The following GLIS3 variants were observed in gnomAD, a reference collection of about 807,000 sequenced individuals.
GLIS3 encodes zinc finger protein GLIS3.
GLIS3 carries 53 observed loss-of-function variants against 78.6 expected under a neutral mutation model. The ratio of observed to expected loss-of-function variants is 0.67; its 90% CI spans 0.54 to 0.85. The LOEUF (loss-of-function observed/expected upper bound fraction) is 0.85, where lower values mean the gene tolerates loss of function less well. Among genes scored for constraint, GLIS3 ranks in the 40% least tolerant of loss-of-function variants. The pLI is 0.00. For missense variants in GLIS3, 1,703 were observed against 1,231.1 expected (o/e 1.38, Z -5.74); for synonymous variants, 684 against 509.9 (o/e 1.34, Z -4.60).
intron 2 of GLIS3, among the ~76,000 whole-genome samples, chr9:4,326,725 TGGAACCTACAGCAACAGCAAG>T (rs963789271): frequency 9.9e-5 from 15 of 152,084 alleles, no homozygotes; most frequent in Non-Finnish European, 2.1e-4. Flanking sequence ...ACAATAAAAA[TGGAACCTACAGCAACAGCAAG>T]GACAAAAAAA....
chr9:4,340,734 C>T (rs1423644398), intron 2 of GLIS3, among the ~76,000 whole-genome samples: 3 of 152,148 alleles, frequency 2.0e-5, no homozygotes, highest in African/African-American at 7.2e-5. Context: ...TGTCACCCAT[C>T]ACCCAGGCTG....
chr9:4,303,262 A>AATACAGACAC (rs752138646), upstream of GLIS3, among the ~76,000 whole-genome samples: 2 of 21,402 alleles, frequency 9.3e-5, no homozygotes, highest in African/African-American at 2.6e-4. Context: ...TAGCTATTAA[A>AATACAGACAC]ACACAGACAC....
the GLIS3 span, among the ~76,000 whole-genome samples, chr9:4,409,583 T>A: frequency 1.3e-5 from 2 of 152,168 alleles, no homozygotes; most frequent in African/African-American, 4.8e-5. Flanking sequence ...TGAGAATGAT[T>A]GTCACAGGGT....
intron 6 of GLIS3, among the ~76,000 whole-genome samples, chr9:3,920,615 T>G (rs1480900532): frequency 6.6e-6 from 1 of 151,200 alleles, no homozygotes. Context: ...ACAGGTTTTT[T>G]TTTTTTTTTT....
At chr9:4,278,675 T>C (rs1019412910) in intron 2 of GLIS3, among the ~76,000 whole-genome samples, 4 of 152,182 alleles carry the variant, frequency 2.6e-5, no homozygotes, top group Non-Finnish European at 5.9e-5. Context: ...CAACCAACCA[T>C]GTAAAAACTG....
intron 4 of GLIS3, among the ~76,000 whole-genome samples, chr9:3,971,637 G>A (rs1286946788): frequency 1.3e-5 from 2 of 152,168 alleles, no homozygotes; most frequent in South Asian, 2.1e-4. Context: ...ACTAACCCAC[G>A]GTACACACAG....
At chr9:3,981,839 A>G (rs1819313020) in intron 4 of GLIS3, among the ~76,000 whole-genome samples, 1 of 152,156 alleles carries the variant, frequency 6.6e-6, no homozygotes, top group South Asian at 2.1e-4. Flanking sequence ...GTGGATGCCT[A>G]GCCACTTTTT....
rs1338739740 is a variant in GLIS3 at position 4,252,100 on chromosome 9, A to G, written c.388+33938T>C. Among the ~76,000 whole-genome samples the G allele has an allele frequency of 1.1e-4, 17 of 152,174 alleles. No homozygotes were observed. The South Asian group carries it at 3.3e-3, about 30-fold the overall frequency. ...TATGTGTCTTGGGGTTGCTCTTCTC[A>G]AGGAGTATCTTTGTGGTGTTCTCTG... is the stretch of plus-strand genomic sequence containing the variant. On this transcript the variant is annotated intron_variant, in intron 2 of 10. Transcript: ENST00000381971.
At chr9:4,216,288 T>G (rs1963157) in intron 2 of GLIS3, among the ~76,000 whole-genome samples, 1 of 151,396 alleles carries the variant, frequency 6.6e-6, no homozygotes, top group East Asian at 1.9e-4. Context: ...CTGGCTAACA[T>G]GGTGAAACCC....
chr9:4,117,280 G>A (rs1010506771), intron 4 of GLIS3, among the ~76,000 whole-genome samples: 8 of 152,312 alleles, frequency 5.3e-5, no homozygotes, highest in Non-Finnish European at 8.8e-5. Flanking sequence ...GATGCATGCC[G>A]AAACACTTTT....
At chr9:3,861,589 G>A (rs1377749507) in intron 8 of GLIS3, among the ~76,000 whole-genome samples, 1 of 152,142 alleles carries the variant, frequency 6.6e-6, no homozygotes, top group Non-Finnish European at 1.5e-5. Context: ...TATACACCAT[G>A]AAATACTATG....
the GLIS3 span, among the ~76,000 whole-genome samples, chr9:4,381,760 A>G: frequency 2.0e-5 from 3 of 152,238 alleles, no homozygotes; most frequent in East Asian, 3.9e-4. Context: ...CACAAACTCC[A>G]TTTTCCAGAC....
chr9:4,331,002 A>G (rs1817676703), intron 2 of GLIS3, among the ~76,000 whole-genome samples: 1 of 152,126 alleles, frequency 6.6e-6, no homozygotes, highest in South Asian at 2.1e-4. Flanking sequence ...TCACCATAAG[A>G]CTGTCCGGGA....
intron 2 of GLIS3, among the ~76,000 whole-genome samples, chr9:4,233,657 G>C (rs1247269632): frequency 2.6e-5 from 4 of 152,168 alleles, no homozygotes; most frequent in African/African-American, 9.7e-5. Flanking sequence ...AATGGTAAAT[G>C]AACACTGGCT....
chr9:4,431,370 G>A, the GLIS3 span, among the ~76,000 whole-genome samples: 9 of 152,190 alleles, frequency 5.9e-5, no homozygotes, highest in Admixed American at 2.6e-4. Context: ...ATAACTAGGA[G>A]ATTTTGGTGT....
intron 4 of GLIS3, among the ~76,000 whole-genome samples, chr9:4,058,807 C>T (rs1172350803): frequency 1.3e-5 from 2 of 151,910 alleles, no homozygotes; most frequent in Non-Finnish European, 2.9e-5. Flanking sequence ...AGTGAAACCC[C>T]ATCTCTACTA....
At chr9:4,220,176 A>C (rs1821194912) in intron 2 of GLIS3, among the ~76,000 whole-genome samples, 2 of 152,228 alleles carry the variant, frequency 1.3e-5, no homozygotes, top group African/African-American at 4.8e-5. Flanking sequence ...TAACAGTAAA[A>C]ATCCATGACA....
Position 4,051,468 on chromosome 9 carries a change from T to C in GLIS3, c.1710+66300A>G, listed in dbSNP as rs546884567. On this transcript the variant is annotated intron_variant, in intron 4 of 10. Coordinates refer to ENST00000381971, the MANE Select transcript of GLIS3 (RefSeq NM_001042413.2). ...GCCTAAATGTATCAAAATCCATCCCTTGAAAAATGTAGCCAAACATATCTC... is the reference window on the plus strand; with the variant it reads ...GCCTAAATGTATCAAAATCCATCCCCTGAAAAATGTAGCCAAACATATCTC... Among the ~76,000 whole-genome samples, 97 of 152,186 alleles carry C rather than the reference T, an allele frequency of 6.4e-4. 1 individual carries two copies. The highest frequency in any genetic ancestry group is 2.3e-3 in the African/African-American group (95 of 41,548).
chr9:4,428,307 C>T, the GLIS3 span, among the ~76,000 whole-genome samples: 1 of 151,806 alleles, frequency 6.6e-6, no homozygotes, highest in Non-Finnish European at 1.5e-5. Flanking sequence ...GGCAAAACTC[C>T]ATGTCTACTA....
Sources: gnomAD v4.1 joint callset for allele counts (sites outside exome capture counted in the v4.1 genomes callset) on GRCh38, gnomAD v4.1.1 for gene constraint, MANE v1.5 for transcripts, NCBI Gene and HGNC (gene_info 2026-07-23, HGNC 2026-07-21) for gene names.